DPYS: variants seen among roughly 807,000 people sequenced by gnomAD.
The protein encoded by DPYS is dihydropyrimidinase.
In DPYS, 39 loss-of-function variants were observed where a neutral mutation model predicts 50.3. That is an observed-to-expected ratio of 0.78 (90% CI 0.60 to 1.01). DPYS has a LOEUF of 1.01. Ranked by LOEUF, DPYS falls within the 50% of genes least tolerant of loss-of-function variation. DPYS has a pLI of 0.00. For missense variants in DPYS, 659 were observed against 680.9 expected, an observed-to-expected ratio of 0.97 and a Z score of 0.36; for synonymous variants, 245 against 250.7, an observed-to-expected ratio of 0.98 and a Z score of 0.22.
At chr8:104,399,866 C>CAAAA (rs57562204) in intron 7 of DPYS, among the ~76,000 whole-genome samples, 9,530 of 52,134 alleles carry the variant, frequency 0.18, 1,676 homozygotes, top group Middle Eastern at 0.31. Flanking sequence ...GACTCCGTCT[C>CAAAA]AAAAAAAAAA....
intron 7 of DPYS, among the ~76,000 whole-genome samples, chr8:104,404,274 C>T (rs1197386667): frequency 6.6e-6 from 1 of 152,108 alleles, no homozygotes; most frequent in Non-Finnish European, 1.5e-5. Flanking sequence ...TCATTTGAAC[C>T]TCAACGCAGG....
chr8:104,456,452 C>T (rs1232275893), intron 1 of DPYS, among the ~76,000 whole-genome samples: 1 of 152,168 alleles, frequency 6.6e-6, no homozygotes, highest in Non-Finnish European at 1.5e-5. Context: ...AAATGCTCCA[C>T]CTTCCTAATT....
At chr8:104,459,389 T>G (rs903998156) in intron 1 of DPYS, among the ~76,000 whole-genome samples, 12 of 152,234 alleles carry the variant, frequency 7.9e-5, no homozygotes, top group African/African-American at 2.9e-4. Flanking sequence ...GAGACCCATA[T>G]ACCTCTAGTC....
intron 4 of DPYS, among the ~76,000 whole-genome samples, chr8:104,432,717 A>T (rs938235145): frequency 1.3e-5 from 2 of 152,244 alleles, no homozygotes; most frequent in African/African-American, 4.8e-5. Flanking sequence ...ACATTGTACA[A>T]GGTAAGTCAT....
intron 7 of DPYS, among the ~76,000 whole-genome samples, chr8:104,403,579 T>A (rs988842093): frequency 4.6e-5 from 7 of 152,204 alleles, no homozygotes; most frequent in Non-Finnish European, 1.0e-4. Flanking sequence ...AAAGAGAAGC[T>A]GGATAACAGA....
intron 4 of DPYS, among the ~76,000 whole-genome samples, chr8:104,441,512 C>T (rs1164072499): frequency 1.3e-5 from 2 of 152,096 alleles, no homozygotes; most frequent in Non-Finnish European, 2.9e-5. Context: ...ATATAAGGGG[C>T]CCTTAAAGTG....
chr8:104,416,922 T>C (rs920982870), intron 7 of DPYS, among the ~76,000 whole-genome samples: 2 of 152,110 alleles, frequency 1.3e-5, no homozygotes, highest in Non-Finnish European at 2.9e-5. Context: ...CCCCGCTTTA[T>C]TTCACACAAA....
Position 104,388,374 on chromosome 8 carries a change from G to GA in DPYS, c.1443+4409dup, listed in dbSNP as rs201141810. Among the ~76,000 whole-genome samples the GA allele has an allele frequency of 7.0e-4, 104 of 149,074 alleles. 3 individuals carry two copies. The East Asian group carries it at 0.016, about 23-fold the overall frequency. On this transcript the variant is annotated intron_variant, in intron 8 of 9. Transcript: ENST00000351513. The stretch of plus-strand genomic sequence containing the variant: ...GAAAAGGTTGGGGTTCCCTATTACT[G>GA]AAAAAAAAAGAGAAAAACAGATGAC...
intron 8 of DPYS, among the ~76,000 whole-genome samples, chr8:104,392,343 C>A (rs6989484): frequency 6.6e-6 from 1 of 151,936 alleles, no homozygotes; most frequent in Non-Finnish European, 1.5e-5. Context: ...CAGGATGCTC[C>A]TACCCATTTT....
At chr8:104,417,467 T>A (rs763114375) in intron 7 of DPYS, among the ~76,000 whole-genome samples, 4 of 152,194 alleles carry the variant, frequency 2.6e-5, no homozygotes, top group Non-Finnish European at 5.9e-5. Context: ...CACCACAAGA[T>A]TCTGTCTTTA....
chr8:104,431,844 A>G (rs1812967990), intron 4 of DPYS, among the ~76,000 whole-genome samples: 1 of 152,216 alleles, frequency 6.6e-6, no homozygotes. Flanking sequence ...TTACAGTCAT[A>G]GTATTATAAT....
At chr8:104,384,772 G>A (rs1811159561) in intron 8 of DPYS, among the ~76,000 whole-genome samples, 1 of 152,162 alleles carries the variant, frequency 6.6e-6, no homozygotes, top group Non-Finnish European at 1.5e-5. Context: ...ATTCTTACAG[G>A]ACATTTATGC....
At chr8:104,383,246 C>T (rs1811113804) in intron 8 of DPYS, among the ~76,000 whole-genome samples, 2 of 152,178 alleles carry the variant, frequency 1.3e-5, no homozygotes, top group Non-Finnish European at 2.9e-5. Flanking sequence ...TGGGCTGCCG[C>T]TTTCATTTTT....
intron 7 of DPYS, among the ~76,000 whole-genome samples, chr8:104,413,986 T>C (rs959077318): frequency 6.6e-6 from 1 of 152,154 alleles, no homozygotes; most frequent in African/African-American, 2.4e-5. Flanking sequence ...TATCTGGTGA[T>C]GGGAAGGCTT....
intron 2 of DPYS, among the ~76,000 whole-genome samples, chr8:104,449,470 T>G (rs531196064): frequency 4.2e-4 from 64 of 152,338 alleles, no homozygotes; most frequent in African/African-American, 1.4e-3. Flanking sequence ...ACCTGGTTGC[T>G]TGCTAGAAAT....
chr8:104,381,889 C>CACACACACACAT (rs1371539303), intron 8 of DPYS, among the ~76,000 whole-genome samples: 1 of 150,210 alleles, frequency 6.7e-6, no homozygotes, highest in Non-Finnish European at 1.5e-5. Context: ...CACACATACA[C>CACACACACACAT]ACAGACAAAT....
intron 7 of DPYS, among the ~76,000 whole-genome samples, chr8:104,395,335 A>G (rs1811541272): frequency 6.6e-6 from 1 of 152,182 alleles, no homozygotes; most frequent in South Asian, 2.1e-4. Flanking sequence ...TAAATTTACA[A>G]TAAAAATGAC....
chr8:104,445,871 C>A (rs1813510222), intron 3 of DPYS, among the ~76,000 whole-genome samples: 1 of 152,018 alleles, frequency 6.6e-6, no homozygotes, highest in African/African-American at 2.4e-5. Flanking sequence ...CGGGGAAACC[C>A]TGTCTCTACT....
chr8:104,439,364 T>C (rs1050892225), intron 4 of DPYS, among the ~76,000 whole-genome samples: 9 of 152,120 alleles, frequency 5.9e-5, no homozygotes, highest in African/African-American at 2.2e-4. Context: ...ATTTAATACT[T>C]CATCATTTCC....
Sources: allele counts gnomAD v4.1 joint callset (sites outside exome capture counted in the v4.1 genomes callset), GRCh38; gene constraint gnomAD v4.1.1; transcripts MANE v1.5; gene names NCBI Gene and HGNC (gene_info 2026-07-23, HGNC 2026-07-21).